NCSTN: variants seen among roughly 807,000 people sequenced by gnomAD.
NCSTN encodes the protein nicastrin.
A neutral mutation model predicts 87.0 loss-of-function variants in NCSTN; 22 were observed. The observed-to-expected ratio is 0.25, with a 90% CI of 0.18 to 0.36. The LOEUF (loss-of-function observed/expected upper bound fraction) is 0.36, where lower values mean the gene tolerates loss of function less well. Ranked by LOEUF, NCSTN falls within the 10% of genes least tolerant of loss-of-function variation. The probability of loss-of-function intolerance (pLI) is 1.00; values close to 1 mark genes in which losing one functional copy is unlikely to be tolerated. For synonymous variants in NCSTN, 306 were observed against 327.1 expected, an observed-to-expected ratio of 0.94 and a Z score of 0.69; for missense variants, 693 against 883.3, an observed-to-expected ratio of 0.78 and a Z score of 2.73.
chr1:160,353,977 G>T (rs1473160705), intron 10 of NCSTN, 141 bp from the exon 11 acceptor site: 1 of 957,198 alleles, frequency 1.0e-6, no homozygotes, highest in Non-Finnish European at 1.6e-6. Context: ...GTCCCAAAAG[G>T]CTTGAGGGAT....
chr1:160,350,222 A>T lies in NCSTN; in HGVS notation c.554A>T (p.Asp185Val). The change falls in exon 5 of 17, where the codon GAT becomes GTT. Residue 185 changes from aspartate (D) to valine (V), a missense_variant. Around this residue, in one of 4 missense-constraint regions of NCSTN, gnomAD observed 235 missense variants for 233.9 expected, o/e 1.00. Transcript: ENST00000294785. The part of the protein sequence containing the change: ...DFSFPIFLLE[D>V]ENETKVIKQC... ...AGTTTCCCCATCTTTCTTCTTGAAGATGAAAATGAAACCAAAGTCATCAAG... is the reference window on the plus strand; with the variant it reads ...AGTTTCCCCATCTTTCTTCTTGAAGTTGAAAATGAAACCAAAGTCATCAAG... 1.2e-6 allele frequency: 2 copies of T among 1,614,172 alleles called. No homozygotes were observed. Among genetic ancestry groups the T allele is most frequent in the Non-Finnish European group, 1.7e-6 (2 of 1,180,016 alleles).
intron 2 of NCSTN, among the ~76,000 whole-genome samples, chr1:160,347,140 C>T (rs1452550108): frequency 6.6e-6 from 1 of 152,230 alleles, no homozygotes; most frequent in Non-Finnish European, 1.5e-5. Flanking sequence ...CGTGCCAGTA[C>T]AGAGAAACAA....
chr1:160,351,800 A>G lies in NCSTN; in HGVS notation c.838A>G (p.Thr280Ala). Reference sequence around the variant, plus strand: ...TGACGACAGGGTTGTGGTTGCTGCCACCCGGGTGAGTGTTGGCTTCTGATC... The same window carrying G: ...TGACGACAGGGTTGTGGTTGCTGCCGCCCGGGTGAGTGTTGGCTTCTGATC... The part of the protein sequence containing the change: ...KPDDRVVVAA[T>A]RLDSRSFFWN... The change falls in exon 7 of 17, where the codon ACC (threonine) becomes GCC (alanine). Residue 280 changes from threonine (T) to alanine (A), a missense_variant. Physicochemically the swap from Thr to Ala is moderately conservative, Grantham distance 58. Transcript: ENST00000294785. 1.9e-6 allele frequency: 3 copies of G among 1,603,566 alleles called. No homozygotes were observed. Among genetic ancestry groups the G allele is most frequent in the Non-Finnish European group, 1.7e-6 (2 of 1,170,654 alleles).
At chr1:160,352,296 T>G in intron 8 of NCSTN, 90 bp downstream of exon 8, 1 of 1,509,462 alleles carries the variant, frequency 6.6e-7, no homozygotes, top group Non-Finnish European at 9.2e-7. Context: ...ACCTCAGCAC[T>G]TGACCTAAGT....
chr1:160,356,789 C>T (rs889250338), intron 15 of NCSTN, 35 bp downstream of exon 15: 8 of 1,613,262 alleles, frequency 5.0e-6, no homozygotes, highest in Non-Finnish European at 6.8e-6. Context: ...TGCCCTGGGG[C>T]CCCTTTCCCT....
chr1:160,351,551 T>A, intron 6 of NCSTN, 145 bp from the exon 7 acceptor site: 1 of 1,240,216 alleles, frequency 8.1e-7, no homozygotes. Flanking sequence ...AAGTGGATAG[T>A]GGCAGAGAAG....
chr1:160,344,687 TC>T lies in NCSTN; in HGVS notation c.86-34del, dbSNP rs1251066263. On this transcript the variant is annotated intron_variant, in intron 1 of 16. Transcript: ENST00000294785. ...CGATAGAAGCTAGTACCTGTGTCTC[TC>T]AAATTTTTCTAACACTTTTTATCTT... The T allele has an allele frequency of 1.9e-6, 3 of 1,610,230 alleles. No individual in the cohort carries two copies. The Admixed American group carries it at 5.0e-5, about 27-fold the overall frequency.
chr1:160,344,165 T>TG (rs1285031865), intron 1 of NCSTN, among the ~76,000 whole-genome samples: 5 of 152,096 alleles, frequency 3.3e-5, no homozygotes, highest in African/African-American at 1.2e-4. Flanking sequence ...ACTATGACTG[T>TG]GCCTTCCCCC....
At chr1:160,356,490 A>G in intron 14 of NCSTN, 110 bp from the exon 15 acceptor site, 2 of 1,481,138 alleles carry the variant, frequency 1.4e-6, no homozygotes, top group African/African-American at 1.4e-5. Context: ...CTCATATTTG[A>G]TGGATCCTTT....
intron 10 of NCSTN, 176 bp downstream of exon 10, chr1:160,353,413 G>T (rs1648972014): frequency 2.0e-6 from 3 of 1,501,290 alleles, no homozygotes; most frequent in Non-Finnish European, 2.7e-6. Context: ...GAAGAATCAG[G>T]AACTCAGTGA....
chr1:160,351,629 A>G, intron 6 of NCSTN, 67 bp from the exon 7 acceptor site: 2 of 1,427,538 alleles, frequency 1.4e-6, no homozygotes. Context: ...AGAGATTTCC[A>G]ATGTTGCCTT....
chr1:160,349,227 G>T, intron 3 of NCSTN, 105 bp downstream of exon 3: 1 of 1,481,236 alleles, frequency 6.8e-7, no homozygotes, highest in Non-Finnish European at 9.3e-7. Flanking sequence ...CCCTGGTCTG[G>T]TCAGGGGAGA....
rs1191515004 is a variant in NCSTN, at chr1:160,354,246, C to T, written c.1308C>T (p.Ile436=). 1 of 1,614,074 alleles carries T rather than the reference C, an allele frequency of 6.2e-7. No homozygotes were observed. The highest frequency in any genetic ancestry group is 8.5e-7 in the Non-Finnish European group (1 of 1,180,042). Reference sequence around the variant, plus strand: ...AGCGATTTCTTCGAGCTCGAAACATCTCTGGCGTTGTTCTGGCTGACCACT... The same window carrying T: ...AGCGATTTCTTCGAGCTCGAAACATTTCTGGCGTTGTTCTGGCTGACCACT... ...SLQRFLRARN[I]SGVVLADHSG... is the part of the protein sequence containing the mutation. The change falls in exon 11 of 17, where the codon ATC becomes ATT. Residue 436 remains isoleucine (I), a synonymous_variant. Transcript: ENST00000294785.
chr1:160,349,166 A>G, intron 3 of NCSTN, 44 bp downstream of exon 3: 1 of 1,611,864 alleles, frequency 6.2e-7, no homozygotes. Flanking sequence ...CATAGAGGGA[A>G]AGTTTCAGTG....
Position 160,349,663 on chromosome 1 carries a change from T to C in NCSTN, c.429T>C (p.Asp143=). 1 of 1,613,876 alleles carries C rather than the reference T, an allele frequency of 6.2e-7. No individual in the cohort carries two copies. Among genetic ancestry groups the C allele is most frequent in the African/African-American group, 1.3e-5 (1 of 75,008 alleles). ...GFSPSVQCPN[D]GFGVYSNSYG... is the part of the protein sequence containing the mutation. ...CTCCTAGTGTACAGTGCCCAAATGA[T>C]GGGTTTGGTAAGTGTCCCAAAGGAT... The change falls in exon 4 of 17, where the codon GAT becomes GAC. Residue 143 remains aspartate (D), a synonymous_variant. Transcript: ENST00000294785.
intron 1 of NCSTN, 32 bp downstream of exon 1, chr1:160,343,513 C>G (rs1014534374): frequency 2.5e-6 from 4 of 1,569,272 alleles, no homozygotes; most frequent in East Asian, 4.6e-5. Context: ...GCTCCGTTCT[C>G]TAAGGGGAAC....
intron 1 of NCSTN, 23 bp downstream of exon 1, chr1:160,343,504 C>G (rs1416451694): frequency 1.3e-6 from 2 of 1,585,986 alleles, no homozygotes; most frequent in Non-Finnish European, 1.7e-6. Context: ...CGCCCGTGAG[C>G]TCCGTTCTCT....
At chr1:160,353,800 C>T in intron 10 of NCSTN, 1 of 817,570 alleles carries the variant, frequency 1.2e-6, no homozygotes, top group Non-Finnish European at 1.5e-6. Context: ...TTGCTCCCTT[C>T]AATTCTGCAC....
chr1:160,356,968 C>T, intron 15 of NCSTN, 73 bp from the exon 16 acceptor site: 1 of 1,458,064 alleles, frequency 6.9e-7, no homozygotes, highest in Non-Finnish European at 9.6e-7. Flanking sequence ...GAGCATGGCA[C>T]TGATAGAGGG....
Sources: gnomAD v4.1 joint callset for allele counts (sites outside exome capture counted in the v4.1 genomes callset) on GRCh38, gnomAD v4.1.1 for gene constraint, gnomAD v4.1.1 regional missense constraint, MANE v1.5 for transcripts, NCBI Gene and HGNC (gene_info 2026-07-23, HGNC 2026-07-21) for gene names.